The following HS3ST3A1 variants were observed in gnomAD, a reference collection of about 807,000 sequenced individuals.
HS3ST3A1 encodes heparan sulfate glucosamine 3-O-sulfotransferase 3A1.
Under a neutral mutation model 25.7 loss-of-function variants are expected in HS3ST3A1, and 19 were observed. That is an observed-to-expected ratio of 0.74 (90% CI 0.52 to 1.08). The LOEUF (loss-of-function observed/expected upper bound fraction) is 1.08. HS3ST3A1 is among the 50% of genes least tolerant of loss of function. The probability of loss-of-function intolerance (pLI) is 0.00; values close to 1 mark genes in which losing one functional copy is unlikely to be tolerated. For synonymous variants in HS3ST3A1, 226 were observed against 278.6 expected, an observed-to-expected ratio of 0.81 and a Z score of 1.88; for missense variants, 459 against 594.3, an observed-to-expected ratio of 0.77 and a Z score of 2.37.
At chr17:13,504,516 G>T (rs1905592421) in intron 1 of HS3ST3A1, among the ~76,000 whole-genome samples, 1 of 152,122 alleles carries the variant, frequency 6.6e-6, no homozygotes, top group African/African-American at 2.4e-5. Flanking sequence ...GGGGCTTCCA[G>T]GCTGAAGGAA....
intron 1 of HS3ST3A1, among the ~76,000 whole-genome samples, chr17:13,544,181 T>A (rs371219606): frequency 3.6e-4 from 55 of 152,296 alleles, no homozygotes; most frequent in Admixed American, 1.0e-3. Flanking sequence ...TTACTTTGGG[T>A]TTGCTTTAAA....
In HS3ST3A1 at chr17:13,556,257, C is replaced by A. The variant is rs184537511; in HGVS notation, c.599+44274G>T. Among the ~76,000 whole-genome samples the A allele has an allele frequency of 4.2e-3, 646 of 152,270 alleles. 7 individuals are homozygous for A. Among genetic ancestry groups the A allele is most frequent in the East Asian group, 0.015 (76 of 5,174 alleles). On this transcript the variant is annotated intron_variant, in intron 1 of 1. Transcript: ENST00000284110. Reference sequence around the variant, plus strand: ...GCGCGGTGGCTCACATCTGTAATCCCAGCACTTTGGGAGGCCGGGGCGGGC... The same window carrying A: ...GCGCGGTGGCTCACATCTGTAATCCAAGCACTTTGGGAGGCCGGGGCGGGC...
At chr17:13,544,580 A>T (rs1321621468) in intron 1 of HS3ST3A1, among the ~76,000 whole-genome samples, 1 of 152,278 alleles carries the variant, frequency 6.6e-6, no homozygotes, top group Non-Finnish European at 1.5e-5. Context: ...TCTGGCTCTC[A>T]TTGCTGCAGA....
chr17:13,566,277 T>C (rs1907673074), intron 1 of HS3ST3A1, among the ~76,000 whole-genome samples: 3 of 152,178 alleles, frequency 2.0e-5, no homozygotes, highest in Admixed American at 2.0e-4. Context: ...GATGTTACTA[T>C]TGTAATTGTT....
At chr17:13,555,530 A>G (rs899138907) in intron 1 of HS3ST3A1, among the ~76,000 whole-genome samples, 6 of 152,116 alleles carry the variant, frequency 3.9e-5, no homozygotes, top group African/African-American at 1.4e-4. Flanking sequence ...GGCCCCTTAG[A>G]GTGGAAGCAT....
At position 13,522,231 on chromosome 17, in the gene HS3ST3A1, T is replaced by TTA. The variant is rs566134547; in HGVS notation, c.600-25414_600-25413insTA. On this transcript the variant is annotated intron_variant, in intron 1 of 1. Coordinates refer to ENST00000284110, the MANE Select transcript of HS3ST3A1 (RefSeq NM_006042.3). The stretch of plus-strand genomic sequence containing the variant: ...TGCAGATAAATAACATGGATTATGG[T>TTA]AAAAAAAAAAAAGTTAACAATACCG... 9.3e-3 allele frequency among the ~76,000 whole-genome samples: 1,373 copies of TTA among 148,310 alleles called. 9 individuals carry two copies. The highest frequency in any genetic ancestry group is 0.018 in the Middle Eastern group (5 of 282).
chr17:13,591,151 A>T (rs1207322124), intron 1 of HS3ST3A1, among the ~76,000 whole-genome samples: 1 of 148,426 alleles, frequency 6.7e-6, no homozygotes, highest in Non-Finnish European at 1.5e-5. Flanking sequence ...GGCTCTGGCC[A>T]TCCTCTTACC....
Position 13,543,571 on chromosome 17 carries a change from T to A in HS3ST3A1, c.600-46753A>T, listed in dbSNP as rs566671834. On this transcript the variant is annotated intron_variant, in intron 1 of 1. Transcript: ENST00000284110. ...TACTTTTAGGTTGGTGCAAAAGTAATTGCAGTTTTTGCTATTACTTTCAAT... is the reference window on the plus strand; with the variant it reads ...TACTTTTAGGTTGGTGCAAAAGTAAATGCAGTTTTTGCTATTACTTTCAAT... The A allele has an allele frequency of 3.5e-3, 593 of 167,926 alleles. 3 individuals carry two copies. Among genetic ancestry groups the A allele is most frequent in the Middle Eastern group, 0.02 (15 of 734 alleles). 10.4% of individuals were successfully genotyped at this position (167,926 alleles called of 1,614,324 possible).
In HS3ST3A1 at chr17:13,571,599, A is replaced by C. The variant is rs577385643; in HGVS notation, c.599+28932T>G. Among the ~76,000 whole-genome samples the C allele has an allele frequency of 8.1e-4, 124 of 152,332 alleles. 5 individuals are homozygous for C. In the South Asian group the frequency reaches 0.025, roughly 31 times the overall value. ...TCCTCAGAGGGATCAGGAAATCAAA[A>C]AGGGAATTAGTGCTGGAGAGAGGAT... On this transcript the variant is annotated intron_variant, in intron 1 of 1. Transcript: ENST00000284110.
At chr17:13,573,877 C>CTT (rs1433795789) in intron 1 of HS3ST3A1, among the ~76,000 whole-genome samples, 1 of 152,182 alleles carries the variant, frequency 6.6e-6, no homozygotes, top group Non-Finnish European at 1.5e-5. Flanking sequence ...TCTCTGCTCT[C>CTT]TCTGATATGT....
Position 13,601,266 on chromosome 17 carries a change from G to C in HS3ST3A1, c.-137C>G, listed in dbSNP as rs542058481. On this transcript the variant is annotated 5_prime_UTR_variant, in exon 1 of 2. Coordinates refer to ENST00000284110, the MANE Select transcript of HS3ST3A1 (RefSeq NM_006042.3). Reference sequence around the variant, plus strand: ...GTGCGCCCCTGTGGCCGTGCGAACTGTCCCGGGAGGCAGCGGCCGGGGCTC... The same window carrying C: ...GTGCGCCCCTGTGGCCGTGCGAACTCTCCCGGGAGGCAGCGGCCGGGGCTC... 4 of 624,012 alleles carry C rather than the reference G, an allele frequency of 6.4e-6. No homozygotes were observed. In the South Asian group the frequency reaches 1.1e-4, roughly 17 times the overall value. 38.7% of individuals were successfully genotyped at this position (624,012 alleles called of 1,614,324 possible). A position where few individuals can be genotyped will look rare whatever the true frequency, so the allele number is the denominator to read the frequency against.
chr17:13,519,580 T>C (rs1353527091), intron 1 of HS3ST3A1, among the ~76,000 whole-genome samples: 1 of 152,126 alleles, frequency 6.6e-6, no homozygotes, highest in Non-Finnish European at 1.5e-5. Context: ...GATGATAATT[T>C]GTTAATTTTA....
intron 1 of HS3ST3A1, among the ~76,000 whole-genome samples, chr17:13,585,687 T>G (rs1184647667): frequency 1.3e-5 from 2 of 151,908 alleles, no homozygotes; most frequent in African/African-American, 2.4e-5. Flanking sequence ...GTTCACATCT[T>G]GGCTGTGCTG....
Position 13,494,034 on chromosome 17 carries a change from C to T in HS3ST3A1, c.*2163G>A, listed in dbSNP as rs184058345. On this transcript the variant is annotated 3_prime_UTR_variant, in exon 2 of 2. Coordinates refer to ENST00000284110, the MANE Select transcript of HS3ST3A1 (RefSeq NM_006042.3). ...AAATATCTATGTTCAAAAAGGGATC[C>T]TTTGCATTCAATTCTGTTCTTTTAT... Among the ~76,000 whole-genome samples the T allele has an allele frequency of 2.2e-3, 341 of 152,226 alleles. 1 individual carries two copies. Among genetic ancestry groups the T allele is most frequent in the Non-Finnish European group, 3.9e-3 (262 of 67,998 alleles).
intron 1 of HS3ST3A1, among the ~76,000 whole-genome samples, chr17:13,524,328 G>A (rs1400641288): frequency 1.3e-5 from 2 of 152,048 alleles, no homozygotes; most frequent in Non-Finnish European, 2.9e-5. Context: ...CATGATCTCG[G>A]CTCACTGCAG....
rs1213793682 is a variant in HS3ST3A1 at position 13,495,400 on chromosome 17, ACTGGGTGCCATGAGGGGTAGC to A, written c.*776_*796del. ...TTCTTGGACACAACTATGTAATGAG[ACTGGGTGCCATGAGGGGTAGC>A]CTGGGAATTTAGAAAACAAGGGGCT... is the stretch of plus-strand genomic sequence containing the variant. On this transcript the variant is annotated 3_prime_UTR_variant, in exon 2 of 2. Transcript: ENST00000284110. Among the ~76,000 whole-genome samples, 11 of 152,196 alleles carry A rather than the reference ACTGGGTGCCATGAGGGGTAGC, an allele frequency of 7.2e-5. No individual in the cohort carries two copies. Among genetic ancestry groups the A allele is most frequent in the African/African-American group, 2.7e-4 (11 of 41,450 alleles).
chr17:13,494,302 A>T lies in HS3ST3A1; in HGVS notation c.*1895T>A, dbSNP rs1346140717. 6.6e-6 allele frequency among the ~76,000 whole-genome samples: 1 copy of T among 152,220 alleles called. No homozygotes were observed. The highest frequency in any genetic ancestry group is 2.4e-5 in the African/African-American group (1 of 41,456). ...GACATGAAGGAAATCAACTGAAAAA[A>T]GGTGACCTGGATTTGGGGTTTACTT... is the stretch of plus-strand genomic sequence containing the variant. On this transcript the variant is annotated 3_prime_UTR_variant, in exon 2 of 2. Coordinates refer to ENST00000284110, the MANE Select transcript of HS3ST3A1 (RefSeq NM_006042.3).
chr17:13,591,652 T>C (rs1475566778), intron 1 of HS3ST3A1, among the ~76,000 whole-genome samples: 3 of 127,318 alleles, frequency 2.4e-5, no homozygotes, highest in East Asian at 2.2e-4. Context: ...AATTTCCTTT[T>C]TTCTTCTTCT....
intron 1 of HS3ST3A1, among the ~76,000 whole-genome samples, chr17:13,506,578 C>G (rs947013013): frequency 2.6e-5 from 4 of 152,148 alleles, no homozygotes; most frequent in African/African-American, 9.7e-5. Flanking sequence ...ATAACTGATG[C>G]AAGAGAAAGT....
Sources: gnomAD v4.1 joint callset for allele counts (sites outside exome capture counted in the v4.1 genomes callset) on GRCh38, gnomAD v4.1.1 for gene constraint, MANE v1.5 for transcripts, NCBI Gene and HGNC (gene_info 2026-07-23, HGNC 2026-07-21) for gene names.